The following DOP1B variants were observed in gnomAD, a reference collection of about 807,000 sequenced individuals.
The protein encoded by DOP1B is protein DOP1B.
DOP1B carries 174 observed loss-of-function variants against 233.5 expected under a neutral mutation model. That is an observed-to-expected ratio of 0.75 (90% CI 0.66 to 0.85). The LOEUF (loss-of-function observed/expected upper bound fraction) is 0.85. DOP1B is among the 40% of genes least tolerant of loss of function. The pLI, the probability that DOP1B is intolerant of heterozygous loss-of-function variation, is 0.00. For missense variants in DOP1B, 2,652 were observed against 2,846.6 expected (o/e 0.93, Z 1.56); for synonymous variants, 1,190 against 1,185.6 (o/e 1.00, Z -0.08).
At chr21:36,278,414 T>C in intron 30 of DOP1B, 59 bp downstream of exon 30, 1 of 1,540,674 alleles carries the variant, frequency 6.5e-7, no homozygotes, top group Non-Finnish European at 8.7e-7. Flanking sequence ...AATGGCATTT[T>C]GGTTTACAGA....
chr21:36,228,971 C>CA (rs565728913), intron 13 of DOP1B, among the ~76,000 whole-genome samples: 3 of 151,358 alleles, frequency 2.0e-5, no homozygotes, highest in East Asian at 1.9e-4. Context: ...CCTGTCTCTA[C>CA]AAAAAAAAAT....
intron 27 of DOP1B, 107 bp downstream of exon 27, chr21:36,270,264 T>A: frequency 7.5e-7 from 1 of 1,330,910 alleles, no homozygotes; most frequent in Non-Finnish European, 1.0e-6. Context: ...AGAAAGTACT[T>A]AAGGTAGGCT....
At chr21:36,184,341 G>A (rs531253942) in intron 2 of DOP1B, among the ~76,000 whole-genome samples, 7 of 152,186 alleles carry the variant, frequency 4.6e-5, no homozygotes, top group South Asian at 2.1e-4. Flanking sequence ...GAGCCACCAC[G>A]CCCGGCCTAA....
At chr21:36,247,729 T>C in intron 20 of DOP1B, 101 bp downstream of exon 20, 1 of 810,852 alleles carries the variant, frequency 1.2e-6, no homozygotes, top group Non-Finnish European at 1.9e-6. Flanking sequence ...GTAATGTCTG[T>C]AACTAATATG....
At position 36,292,158 on chromosome 21, in the gene DOP1B, G is replaced by A. The variant is rs748268149; in HGVS notation, c.6570G>A (p.Ser2190=). 7.4e-6 allele frequency: 12 copies of A among 1,611,774 alleles called. No individual in the cohort carries two copies. The highest frequency in any genetic ancestry group is 3.3e-5 in the South Asian group (3 of 90,636). ...ACACAGAGGGCCCTGCCTTCCTGTC[G>A]GATGTAGAGGAGAATCACCAAGAAT... ...EVDTEGPAFL[S]DVEENHQECK... is the part of the protein sequence containing the mutation. The change falls in exon 36 of 37, where the codon TCG becomes TCA. Residue 2190 remains serine, a synonymous_variant. Transcript: ENST00000691173.
intron 2 of DOP1B, among the ~76,000 whole-genome samples, chr21:36,180,240 A>G (rs1245678853): frequency 2.0e-5 from 3 of 152,218 alleles, no homozygotes; most frequent in East Asian, 1.9e-4. Flanking sequence ...GGGCCCTTCC[A>G]TATAGAAATG....
chr21:36,223,218 T>C lies in DOP1B; in HGVS notation c.1251-13T>C. 1 of 1,567,916 alleles carries C rather than the reference T, an allele frequency of 6.4e-7. No individual in the cohort carries two copies. Among genetic ancestry groups the C allele is most frequent in the Non-Finnish European group, 8.6e-7 (1 of 1,165,126 alleles). On this transcript the variant is annotated splice_polypyrimidine_tract_variant and intron_variant, in intron 10 of 36. Coordinates refer to ENST00000691173, the MANE Select transcript of DOP1B (RefSeq NM_001320714.2). ...TTTATAGACATATTTATTCATGTCC[T>C]CCCCTTTTACAGTGCAATCAAGGAA...
Position 36,198,386 on chromosome 21 carries a change from G to A in DOP1B, c.139-684G>A, listed in dbSNP as rs139560934. 9.7e-3 allele frequency among the ~76,000 whole-genome samples: 1,467 copies of A among 151,162 alleles called. 22 individuals carry two copies. The highest frequency in any genetic ancestry group is 0.033 in the African/African-American group (1,348 of 41,074). The stretch of plus-strand genomic sequence containing the variant: ...AGAGGTTGCAGTGAGCTGAGATTGC[G>A]CCACTGCATTCCAGCCTGGGTGACA... On this transcript the variant is annotated intron_variant, in intron 2 of 36. Coordinates refer to ENST00000691173, the MANE Select transcript of DOP1B (RefSeq NM_001320714.2).
At chr21:36,217,602 T>A (rs2066575320) in intron 9 of DOP1B, among the ~76,000 whole-genome samples, 1 of 152,202 alleles carries the variant, frequency 6.6e-6, no homozygotes. Context: ...GTTGTGCAGC[T>A]CTCGTCATTC....
intron 18 of DOP1B, among the ~76,000 whole-genome samples, chr21:36,243,142 G>A (rs1366506157): frequency 6.6e-6 from 1 of 151,830 alleles, no homozygotes; most frequent in East Asian, 1.9e-4. Context: ...GCCACGCCCA[G>A]CTAATTTTTG....
Position 36,248,460 on chromosome 21 carries a change from C to G in DOP1B, c.4890C>G (p.Thr1630=). ...ILEELPRTVN[T]MALLWNVLRK... is the part of the protein sequence containing the mutation. ...AAGAGCTGCCTCGAACTGTTAACAC[C>G]ATGGCCCTTCTCTGGAATGTTCTCA... Residue 1630 remains threonine, a synonymous_variant, in exon 21 of 37, where the codon ACC becomes ACG. Coordinates refer to ENST00000691173, the MANE Select transcript of DOP1B (RefSeq NM_001320714.2). 1 of 1,614,128 alleles carries G rather than the reference C, an allele frequency of 6.2e-7. No homozygotes were observed.
intron 22 of DOP1B, among the ~76,000 whole-genome samples, chr21:36,251,914 G>C (rs1339280999): frequency 6.6e-6 from 1 of 152,130 alleles, no homozygotes; most frequent in Non-Finnish European, 1.5e-5. Context: ...CATTTTTAAA[G>C]AATAAAAATG....
At chr21:36,239,651 G>C (rs1007443907) in intron 17 of DOP1B, 114 bp from the exon 18 acceptor site, 1 of 1,228,574 alleles carries the variant, frequency 8.1e-7, no homozygotes, top group Non-Finnish European at 1.1e-6. Flanking sequence ...GTCCAGCTTG[G>C]GTGGAGGTCC....
chr21:36,192,082 G>A (rs1489555919), intron 2 of DOP1B, among the ~76,000 whole-genome samples: 1 of 151,964 alleles, frequency 6.6e-6, no homozygotes, highest in East Asian at 1.9e-4. Context: ...TTCTTGGCTG[G>A]GCATGGTGGC....
At chr21:36,191,978 C>G (rs2066239438) in intron 2 of DOP1B, among the ~76,000 whole-genome samples, 1 of 152,142 alleles carries the variant, frequency 6.6e-6, no homozygotes, top group African/African-American at 2.4e-5. Flanking sequence ...TGCCATCCAT[C>G]TCCAGAACCT....
intron 4 of DOP1B, among the ~76,000 whole-genome samples, chr21:36,203,909 A>G (rs2066400188): frequency 6.6e-6 from 1 of 151,370 alleles, no homozygotes; most frequent in South Asian, 2.1e-4. Context: ...TGAAATAGCT[A>G]CATAGCTGTG....
chr21:36,172,984 G>A (rs112333974), intron 2 of DOP1B, among the ~76,000 whole-genome samples: 7 of 152,184 alleles, frequency 4.6e-5, no homozygotes, highest in South Asian at 2.1e-4. Flanking sequence ...GCCAGGCATC[G>A]TGGCGAATGC....
chr21:36,211,742 C>T, intron 6 of DOP1B, 91 bp downstream of exon 6: 3 of 1,410,608 alleles, frequency 2.1e-6, no homozygotes, highest in Non-Finnish European at 3.0e-6. Flanking sequence ...GAGGACAGCT[C>T]AGCCACTCAT....
At chr21:36,240,046 AG>A in intron 18 of DOP1B, 91 bp downstream of exon 18, 1 of 1,399,782 alleles carries the variant, frequency 7.1e-7, no homozygotes, top group Non-Finnish European at 9.4e-7. Flanking sequence ...GAGGCCCACT[AG>A]GGGGTTTTGT....
Sources: gnomAD v4.1 joint callset for allele counts (sites outside exome capture counted in the v4.1 genomes callset) on GRCh38, gnomAD v4.1.1 for gene constraint, MANE v1.5 for transcripts, NCBI Gene and HGNC (gene_info 2026-07-23, HGNC 2026-07-21) for gene names.